SPG11: variants seen among roughly 807,000 people sequenced by gnomAD.
SPG11 encodes SPG11 vesicle trafficking associated, spatacsin.
A neutral mutation model predicts 274.0 loss-of-function variants in SPG11; 222 were observed. The observed-to-expected ratio is 0.81, with a 90% confidence interval of 0.73 to 0.91. The LOEUF (loss-of-function observed/expected upper bound fraction) is 0.91, where lower values mean the gene tolerates loss of function less well. SPG11 is among the 40% of genes least tolerant of loss of function. SPG11 has a pLI of 0.00. For synonymous variants in SPG11, 1,144 were observed against 1,039.7 expected, an observed-to-expected ratio of 1.10 and a Z score of -1.93; for missense variants, 3,114 against 2,872.7, an observed-to-expected ratio of 1.08 and a Z score of -1.92.
At chr15:44,659,035 CT>C in intron 3 of SPG11, 43 bp downstream of exon 3, 1 of 1,578,132 alleles carries the variant, frequency 6.3e-7, no homozygotes, top group Non-Finnish European at 8.7e-7. Context: ...TATAGGTGTT[CT>C]TCTCCTCTAC....
At chr15:44,624,910 G>A (rs2083855178) in intron 11 of SPG11, among the ~76,000 whole-genome samples, 1 of 152,068 alleles carries the variant, frequency 6.6e-6, no homozygotes, top group South Asian at 2.1e-4. Context: ...CGAGGCAGGT[G>A]GCTCACCTGA....
At chr15:44,596,660 C>CAAAAA (rs5812279) in intron 24 of SPG11, 124 bp downstream of exon 24, 37 of 271,340 alleles carry the variant, frequency 1.4e-4, no homozygotes, top group Middle Eastern at 1.4e-3. Flanking sequence ...GTATCCTGGT[C>CAAAAA]AAAAAAAAAA....
chr15:44,563,965 C>T (rs920429880), intron 39 of SPG11, among the ~76,000 whole-genome samples: 8 of 152,102 alleles, frequency 5.3e-5, no homozygotes, highest in African/African-American at 1.4e-4. Flanking sequence ...AAGTTTAGTA[C>T]TCCAAAAGGC....
chr15:44,567,728 T>C, intron 35 of SPG11, 136 bp from the exon 36 acceptor site: 1 of 895,534 alleles, frequency 1.1e-6, no homozygotes, highest in Non-Finnish European at 1.8e-6. Flanking sequence ...TAAATACAAG[T>C]TTTATGCTGT....
At chr15:44,612,116 G>T (rs962195758) in intron 17 of SPG11, among the ~76,000 whole-genome samples, 2 of 152,074 alleles carry the variant, frequency 1.3e-5, no homozygotes, top group Admixed American at 1.3e-4. Context: ...GCCTAAAATG[G>T]TCATTGTCTT....
intron 7 of SPG11, among the ~76,000 whole-genome samples, chr15:44,641,339 A>G (rs1030294100): frequency 1.3e-5 from 2 of 152,116 alleles, no homozygotes; most frequent in African/African-American, 4.8e-5. Flanking sequence ...CACAAATAGC[A>G]TTAGTCATAA....
At chr15:44,638,530 AC>A (rs2084348887) in intron 7 of SPG11, among the ~76,000 whole-genome samples, 2 of 144,946 alleles carry the variant, frequency 1.4e-5, no homozygotes, top group Non-Finnish European at 3.1e-5. Context: ...CAACAAAAAA[AC>A]AAACTTTAGA....
chr15:44,607,347 T>C (rs1462361011), intron 19 of SPG11, among the ~76,000 whole-genome samples: 1 of 152,188 alleles, frequency 6.6e-6, no homozygotes, highest in Admixed American at 6.5e-5. Context: ...AATGGTGCGA[T>C]CTCAGCTTAC....
chr15:44,645,388 A>T (rs2084576387), intron 7 of SPG11, among the ~76,000 whole-genome samples: 1 of 152,230 alleles, frequency 6.6e-6, no homozygotes, highest in African/African-American at 2.4e-5. Flanking sequence ...CTATTCAATT[A>T]ATGTGCTGGG....
In SPG11 at chr15:44,659,064, T is replaced by C. The variant is rs1278941017; in HGVS notation, c.667+15A>G. 5 of 1,612,222 alleles carry C rather than the reference T, an allele frequency of 3.1e-6. No individual in the cohort carries two copies. Among genetic ancestry groups the C allele is most frequent in the Non-Finnish European group, 4.2e-6 (5 of 1,178,418 alleles). ...TCCTCTACGTATCAATCAACACTTC[T>C]ACCACCAAGGATACAGATCCAGCCT... On this transcript the variant is annotated intron_variant, in intron 3 of 39. Transcript: ENST00000261866.
chr15:44,622,414 G>A, intron 12 of SPG11, 67 bp from the exon 13 acceptor site: 1 of 1,298,524 alleles, frequency 7.7e-7, no homozygotes, highest in Non-Finnish European at 1.1e-6. Context: ...AAAATGTCAT[G>A]AGATTATCAA....
At chr15:44,656,955 T>C (rs781045310) in intron 4 of SPG11, 140 bp downstream of exon 4, 5 of 710,560 alleles carry the variant, frequency 7.0e-6, no homozygotes, top group South Asian at 1.8e-5. Flanking sequence ...GTAACTACTT[T>C]ACAATGTATT....
At position 44,570,675 on chromosome 15, in the gene SPG11, T is replaced by C. The variant is rs745820206; in HGVS notation, c.6344-17A>G. 3.7e-6 allele frequency: 6 copies of C among 1,612,802 alleles called. No homozygotes were observed. In the Admixed American group the frequency reaches 1.0e-4, roughly 27 times the overall value. ...GCTCTGTGGCTGGGAGGGTGGGCAC[T>C]GGTAAGATAAGATTATGAACCCTGG... On this transcript the variant is annotated splice_polypyrimidine_tract_variant and intron_variant, in intron 33 of 39. Coordinates refer to ENST00000261866, the MANE Select transcript of SPG11 (RefSeq NM_025137.4).
intron 25 of SPG11, 134 bp downstream of exon 25, chr15:44,595,949 G>T: frequency 1.7e-6 from 2 of 1,177,712 alleles, no homozygotes; most frequent in Non-Finnish European, 2.5e-6. Context: ...ACAAAATGTT[G>T]CAGTGAACTT....
Position 44,592,348 on chromosome 15 carries a change from G to A in SPG11, c.4726C>T (p.Gln1576Ter). Reference protein sequence around the residue: ...KEAEAKLLEFQKSLETLNTAA... With the variant: ...KEAEAKLLEF ...CAACTTACCGTTTCAAGGCTCTTCT[G>A]AAACTCCAGAAGTTTAGCTTCAGCT... The change falls in exon 27 of 40, where the codon CAG becomes TAG. Residue 1576 changes from glutamine (Q) to a stop codon, truncating the protein, a stop_gained. Transcript: ENST00000261866. LOFTEE classifies it high-confidence loss of function. 1 of 1,607,124 alleles carries A rather than the reference G, an allele frequency of 6.2e-7. No individual in the cohort carries two copies. Among genetic ancestry groups the A allele is most frequent in the Non-Finnish European group, 8.5e-7 (1 of 1,173,744 alleles).
intron 34 of SPG11, among the ~76,000 whole-genome samples, chr15:44,569,748 G>A (rs1172222972): frequency 7.0e-6 from 1 of 143,604 alleles, no homozygotes; most frequent in African/African-American, 2.6e-5. Flanking sequence ...ATGGAGTCTT[G>A]CTCTGTCACC....
chr15:44,628,561 A>C, intron 10 of SPG11, 108 bp downstream of exon 10: 1 of 1,093,600 alleles, frequency 9.1e-7, no homozygotes. Flanking sequence ...ACCTTTGCCA[A>C]ACATTCTGAA....
At chr15:44,653,613 G>T (rs2084849901) in intron 4 of SPG11, among the ~76,000 whole-genome samples, 1 of 152,130 alleles carries the variant, frequency 6.6e-6, no homozygotes, top group African/African-American at 2.4e-5. Context: ...AGAGATAATG[G>T]TGGCATAGAG....
chr15:44,610,177 A>T (rs2083425344), intron 18 of SPG11, among the ~76,000 whole-genome samples: 1 of 151,610 alleles, frequency 6.6e-6, no homozygotes, highest in South Asian at 2.1e-4. Context: ...TGCTGGGATT[A>T]CAGGTGTGAG....
Sources: allele counts gnomAD v4.1 joint callset (sites outside exome capture counted in the v4.1 genomes callset), GRCh38; gene constraint gnomAD v4.1.1; transcripts MANE v1.5; gene names NCBI Gene and HGNC (gene_info 2026-07-23, HGNC 2026-07-21).